Variants in FAM13A observed in about 807,000 individuals in gnomAD.
FAM13A encodes protein FAM13A.
FAM13A carries 76 observed loss-of-function variants against 129.6 expected under a neutral mutation model. That is an observed-to-expected ratio of 0.59 (90% CI 0.49 to 0.71). The LOEUF is 0.71. Among genes scored for constraint, FAM13A ranks in the 30% least tolerant of loss-of-function variants. FAM13A has a pLI of 0.00. For synonymous variants in FAM13A, 443 were observed against 449.9 expected (o/e 0.98, Z 0.20); for missense variants, 1,108 against 1,249.3 (o/e 0.89, Z 1.70).
At chr4:88,743,867 A>G (rs1740748783) in intron 19 of FAM13A, among the ~76,000 whole-genome samples, 1 of 152,074 alleles carries the variant, frequency 6.6e-6, no homozygotes, top group African/African-American at 2.4e-5. Flanking sequence ...GCGGCCTCAA[A>G]CTCTTAGTAA....
intron 4 of FAM13A, among the ~76,000 whole-genome samples, chr4:88,957,869 G>T (rs1757996037): frequency 6.6e-6 from 1 of 152,164 alleles, no homozygotes; most frequent in African/African-American, 2.4e-5. Flanking sequence ...GGGAATTTGT[G>T]GAAGTTTGAA....
chr4:89,047,276 G>A (rs1254488603), intron 1 of FAM13A, among the ~76,000 whole-genome samples: 3 of 152,098 alleles, frequency 2.0e-5, no homozygotes, highest in East Asian at 1.9e-4. Context: ...TTTTTTTTGG[G>A]GGGGTTGTCA....
At chr4:88,820,800 T>G (rs576792107) in intron 7 of FAM13A, among the ~76,000 whole-genome samples, 2 of 152,312 alleles carry the variant, frequency 1.3e-5, no homozygotes, top group Admixed American at 6.5e-5. Flanking sequence ...ATTTGAAAAA[T>G]AAGTTCCTTA....
intron 6 of FAM13A, among the ~76,000 whole-genome samples, chr4:88,866,370 C>T (rs1380935409): frequency 6.6e-6 from 1 of 151,934 alleles, no homozygotes; most frequent in Non-Finnish European, 1.5e-5. Flanking sequence ...TTAGTAGAGA[C>T]AGGGTTTTGC....
At chr4:89,039,685 C>A (rs1325927871) in intron 1 of FAM13A, among the ~76,000 whole-genome samples, 2 of 151,998 alleles carry the variant, frequency 1.3e-5, no homozygotes, top group Non-Finnish European at 2.9e-5. Flanking sequence ...TCACTTGAGG[C>A]AAGGAGTTTG....
intron 7 of FAM13A, among the ~76,000 whole-genome samples, chr4:88,829,746 G>A (rs1433964918): frequency 2.0e-5 from 3 of 152,286 alleles, no homozygotes; most frequent in East Asian, 1.9e-4. Context: ...AACCAGAGGA[G>A]TGCGTGTAGG....
chr4:88,838,726 CAAAAAAAAAAAA>C (rs1211160290), intron 7 of FAM13A, among the ~76,000 whole-genome samples: 2 of 144,330 alleles, frequency 1.4e-5, no homozygotes, highest in Non-Finnish European at 3.1e-5. Flanking sequence ...GACTCCGTCT[CAAAAAAAAAAAA>C]GAAAAAGAAA....
intron 1 of FAM13A, among the ~76,000 whole-genome samples, chr4:89,031,277 A>T (rs1274720797): frequency 6.6e-6 from 1 of 152,212 alleles, no homozygotes; most frequent in African/African-American, 2.4e-5. Flanking sequence ...TTAAAAAAAA[A>T]TTTCAGTGTA....
chr4:88,852,648 C>T (rs1737802158), intron 6 of FAM13A, among the ~76,000 whole-genome samples: 1 of 152,158 alleles, frequency 6.6e-6, no homozygotes, highest in Admixed American at 6.5e-5. Flanking sequence ...ATCTCTTTCT[C>T]TCTCCTTTCT....
At chr4:89,043,398 G>A (rs947188297) in intron 1 of FAM13A, among the ~76,000 whole-genome samples, 1 of 152,112 alleles carries the variant, frequency 6.6e-6, no homozygotes, top group African/African-American at 2.4e-5. Flanking sequence ...AAACAGAGGG[G>A]CTGTATTAAG....
rs143772244 is a variant in FAM13A, at chr4:88,845,436, C to T, written c.1007+5584G>A. ...GACACTAGATTAGCCATGGAAGGAA[C>T]AGCAGACAGACAGAGCAGACAGCCC... On this transcript the variant is annotated intron_variant, in intron 7 of 23. Transcript: ENST00000264344. Among the ~76,000 whole-genome samples the T allele has an allele frequency of 2.5e-3, 383 of 152,148 alleles. 1 individual carries two copies. Among genetic ancestry groups the T allele is most frequent in the African/African-American group, 8.7e-3 (360 of 41,486 alleles).
chr4:89,029,299 T>C (rs1006410907), intron 2 of FAM13A, among the ~76,000 whole-genome samples, 161 bp downstream of exon 2: 4 of 152,230 alleles, frequency 2.6e-5, no homozygotes, highest in Admixed American at 2.6e-4. Flanking sequence ...TAAGCAGTAA[T>C]GCCCTTTTTT....
chr4:88,794,042 C>T (rs1464612785), intron 8 of FAM13A, among the ~76,000 whole-genome samples: 2 of 151,948 alleles, frequency 1.3e-5, no homozygotes, highest in African/African-American at 2.4e-5. Flanking sequence ...TTTCCTTCTT[C>T]ATCTGTATGT....
intron 6 of FAM13A, among the ~76,000 whole-genome samples, chr4:88,889,934 C>A (rs1447978218): frequency 6.6e-6 from 1 of 152,094 alleles, no homozygotes; most frequent in Non-Finnish European, 1.5e-5. Flanking sequence ...CTTGGCTAGG[C>A]ATTGGTCATA....
chr4:88,763,702 C>T (rs1745227075), intron 13 of FAM13A, among the ~76,000 whole-genome samples: 1 of 152,086 alleles, frequency 6.6e-6, no homozygotes, highest in South Asian at 2.1e-4. Flanking sequence ...GTTAAGTGGC[C>T]TAATAGTTTA....
At chr4:88,819,896 G>A (rs1292060620) in intron 7 of FAM13A, among the ~76,000 whole-genome samples, 4 of 152,086 alleles carry the variant, frequency 2.6e-5, no homozygotes, top group African/African-American at 9.7e-5. Context: ...GCCATGTAGT[G>A]AATCATTAAG....
chr4:88,988,321 C>T (rs370625460), intron 4 of FAM13A, among the ~76,000 whole-genome samples: 24 of 152,192 alleles, frequency 1.6e-4, no homozygotes, highest in African/African-American at 5.8e-4. Context: ...AGCATTGGAT[C>T]GTCTTCTGAG....
chr4:89,053,972 G>A (rs573879602), intron 1 of FAM13A, among the ~76,000 whole-genome samples: 7 of 152,174 alleles, frequency 4.6e-5, no homozygotes, highest in South Asian at 2.1e-4. Context: ...AAAATTAGAA[G>A]AGACTAAAAT....
At chr4:88,732,270 T>A in intron 21 of FAM13A, 72 bp from the exon 22 acceptor site, 2 of 1,080,724 alleles carry the variant, frequency 1.9e-6, no homozygotes, top group Non-Finnish European at 2.7e-6. Flanking sequence ...AAGTATCATT[T>A]AATAATCATT....
Sources: allele counts gnomAD v4.1 joint callset (sites outside exome capture counted in the v4.1 genomes callset), GRCh38; gene constraint gnomAD v4.1.1; transcripts MANE v1.5; gene names NCBI Gene and HGNC (gene_info 2026-07-23, HGNC 2026-07-21).